The following EXOC3L2 variants were observed in gnomAD, a reference collection of about 807,000 sequenced individuals.
The protein encoded by EXOC3L2 is exocyst complex component 3-like protein 2.
In EXOC3L2, 17 loss-of-function variants were observed where a neutral mutation model predicts 44.4. The ratio of observed to expected loss-of-function variants is 0.38; its 90% CI spans 0.26 to 0.57. EXOC3L2 has a LOEUF of 0.57. Among genes scored for constraint, EXOC3L2 ranks in the 20% least tolerant of loss-of-function variants. EXOC3L2 has a pLI of 0.65. For missense variants in EXOC3L2, 541 were observed against 588.4 expected (o/e 0.92, Z 0.83); for synonymous variants, 256 against 253.7 (o/e 1.01, Z -0.09).
rs1599767238 is a variant in EXOC3L2 at position 45,234,059 on chromosome 19, T to C, written c.1157+134A>G. 2.7e-6 allele frequency: 1 copy of C among 373,010 alleles called. No individual in the cohort carries two copies. The highest frequency in any genetic ancestry group is 4.8e-6 in the Non-Finnish European group (1 of 209,744). The allele number at this position is 373,010 out of a possible 1,614,324, so 23.1% of individuals were successfully genotyped here. ...TGTAACTGTCAGCGGTGCTGACGAC[T>C]GGATGGGTTAATGGTGTTAAAGTGC... On this transcript the variant is annotated intron_variant, in intron 3 of 11. Coordinates refer to ENST00000413988, the MANE Select transcript of EXOC3L2 (RefSeq NM_001382422.1). This position sits in a 1 kb window ranked among gnomAD's most constrained non-coding sequence, Gnocchi z 5.0.
chr19:45,232,261 T>G (rs1250987670), intron 3 of EXOC3L2, among the ~76,000 whole-genome samples: 2 of 152,094 alleles, frequency 1.3e-5, no homozygotes, highest in Non-Finnish European at 1.5e-5. Flanking sequence ...TTCTACGAGC[T>G]TACATGCCTG....
rs765377183 is a variant in EXOC3L2, at chr19:45,224,848, G to A, written c.1649C>T (p.Ala550Val). 3.8e-6 allele frequency: 6 copies of A among 1,592,170 alleles called. No individual in the cohort carries two copies. In the Admixed American group the frequency reaches 1.0e-4, roughly 28 times the overall value. ...CCGGGTCACATGGTCCAGAGCACTA[G>A]CAGATGCTTCCCGGGCCGGCTCGCT... ...PESEPAREAS[A>V]SALDHVTRLC... Residue 550 changes from alanine to valine, a missense_variant, in exon 8 of 12, where the codon GCT becomes GTT. By Grantham distance (64) the Ala-to-Val change is moderately conservative (BLOSUM62 0). Transcript: ENST00000413988.
chr19:45,238,139 T>C lies in EXOC3L2; in HGVS notation c.523+384A>G, dbSNP rs1970099679. Among the ~76,000 whole-genome samples, 1 of 151,566 alleles carries C rather than the reference T, an allele frequency of 6.6e-6. No individual in the cohort carries two copies. Among genetic ancestry groups the C allele is most frequent in the African/African-American group, 2.4e-5 (1 of 41,228 alleles). ...GGCGACAGAGGCAAAAAAATAATAATAATAAAATAAATAAAATAAAGAAAT... is the reference window on the plus strand; with the variant it reads ...GGCGACAGAGGCAAAAAAATAATAACAATAAAATAAATAAAATAAAGAAAT... On this transcript the variant is annotated intron_variant, in intron 2 of 11. Coordinates refer to ENST00000413988, the MANE Select transcript of EXOC3L2 (RefSeq NM_001382422.1). This position sits in a 1 kb window ranked among gnomAD's most constrained non-coding sequence, Gnocchi z 5.5.
At chr19:45,244,437 G>A (rs1052201882) in intron 1 of EXOC3L2, among the ~76,000 whole-genome samples, 4 of 151,966 alleles carry the variant, frequency 2.6e-5, no homozygotes, top group African/African-American at 9.7e-5. Flanking sequence ...CCCCAAACCT[G>A]GCTGCAACAT....
At chr19:45,220,188 A>T (rs79890446) in intron 8 of EXOC3L2, among the ~76,000 whole-genome samples, 5,788 of 152,112 alleles carry the variant, frequency 0.038, 159 homozygotes, top group African/African-American at 0.073. Flanking sequence ...ATAAATAAAT[A>T]AATTAATTAA....
At chr19:45,214,456 G>GTATT (rs140511806) in intron 11 of EXOC3L2, among the ~76,000 whole-genome samples, 1 of 151,328 alleles carries the variant, frequency 6.6e-6, no homozygotes, top group Non-Finnish European at 1.5e-5. Flanking sequence ...GTTTTTTTGT[G>GTATT]TGTTTGTTTG....
chr19:45,214,338 C>G (rs1969810867), intron 11 of EXOC3L2, among the ~76,000 whole-genome samples: 1 of 152,172 alleles, frequency 6.6e-6, no homozygotes. Flanking sequence ...GAGAATGTGT[C>G]TGCCCAAATA....
intron 4 of EXOC3L2, 26 bp downstream of exon 4, chr19:45,231,737 C>T: frequency 6.3e-7 from 1 of 1,587,080 alleles, no homozygotes; most frequent in Non-Finnish European, 8.6e-7. Context: ...GCACCTCCTG[C>T]TTCCAAAATG....
At chr19:45,223,672 G>A (rs549001336) in intron 8 of EXOC3L2, among the ~76,000 whole-genome samples, 8 of 150,818 alleles carry the variant, frequency 5.3e-5, no homozygotes, top group East Asian at 2.0e-4. Context: ...GGCAATCAGC[G>A]AAGGTCGCAC....
chr19:45,213,474 G>A, intron 11 of EXOC3L2, 117 bp from the exon 12 acceptor site: 1 of 1,269,176 alleles, frequency 7.9e-7, no homozygotes, highest in Non-Finnish European at 1.1e-6. Context: ...TGAGTTCTGG[G>A]GCCTCTGTGT....
intron 11 of EXOC3L2, among the ~76,000 whole-genome samples, chr19:45,215,438 T>C (rs1969822479): frequency 6.6e-6 from 1 of 151,604 alleles, no homozygotes; most frequent in Non-Finnish European, 1.5e-5. Flanking sequence ...GCCACTGCAC[T>C]CCAGCCAGGG....
chr19:45,215,930 G>A (rs1969828656), intron 11 of EXOC3L2, 143 bp downstream of exon 11: 36 of 1,171,944 alleles, frequency 3.1e-5, no homozygotes, highest in Non-Finnish European at 4.1e-5. Flanking sequence ...TATTAATAAT[G>A]CCCTGGTTCC....
Position 45,224,823 on chromosome 19 carries a change from C to A in EXOC3L2, c.1674G>T (p.Arg558=), listed in dbSNP as rs1203830405. The part of the protein sequence containing the change: ...ASASALDHVT[R]LCHRVVANLL... ...GGTTGGCCACGACACGGTGGCAGAG[C>A]CGGGTCACATGGTCCAGAGCACTAG... is the stretch of plus-strand genomic sequence containing the variant. Residue 558 remains arginine, a synonymous_variant, in exon 8 of 12, where the codon CGG becomes CGT. Transcript: ENST00000413988. 1 of 1,585,018 alleles carries A rather than the reference C, an allele frequency of 6.3e-7. No homozygotes were observed. Among genetic ancestry groups the A allele is most frequent in the Middle Eastern group, 1.7e-4 (1 of 5,988 alleles).
intron 8 of EXOC3L2, among the ~76,000 whole-genome samples, chr19:45,220,835 G>T (rs1969888605): frequency 6.6e-6 from 1 of 151,764 alleles, no homozygotes; most frequent in Non-Finnish European, 1.5e-5. Context: ...AGGTAGAAAT[G>T]ATGGAGGAGG....
chr19:45,236,590 C>A (rs1454030665), intron 2 of EXOC3L2, among the ~76,000 whole-genome samples: 4 of 150,362 alleles, frequency 2.7e-5, no homozygotes, highest in Non-Finnish European at 4.4e-5. Flanking sequence ...GGGTTTAGGA[C>A]TGGGACTCAG....
chr19:45,231,499 G>T (rs906140453), intron 4 of EXOC3L2, among the ~76,000 whole-genome samples: 1 of 150,740 alleles, frequency 6.6e-6, no homozygotes, highest in African/African-American at 2.4e-5. Context: ...CTATACTTCT[G>T]TGAGTCTTTG....
chr19:45,228,336 T>G, intron 4 of EXOC3L2, 70 bp from the exon 5 acceptor site: 1 of 1,336,056 alleles, frequency 7.5e-7, no homozygotes, highest in Non-Finnish European at 1.1e-6. Context: ...TATCTCTTTC[T>G]CCCACCACAA....
chr19:45,219,564 T>C (rs1339697622), intron 8 of EXOC3L2, among the ~76,000 whole-genome samples: 1 of 152,064 alleles, frequency 6.6e-6, no homozygotes. Context: ...GGAAGGAGTA[T>C]AGTAAATGCC....
Position 45,238,502 on chromosome 19 carries a change from G to C in EXOC3L2, c.523+21C>G. On this transcript the variant is annotated intron_variant, in intron 2 of 11. Coordinates refer to ENST00000413988, the MANE Select transcript of EXOC3L2 (RefSeq NM_001382422.1). This position sits in a 1 kb window ranked among gnomAD's most constrained non-coding sequence, Gnocchi z 5.5. ...TGGGCACTGGGATTCTCCCAGGACA[G>C]GGTCAGGGCTCCGGACTCACCTGAC... is the stretch of plus-strand genomic sequence containing the variant. The C allele has an allele frequency of 2.5e-6, 1 of 399,534 alleles. No individual in the cohort carries two copies. The highest frequency in any genetic ancestry group is 6.3e-4 in the Middle Eastern group (1 of 1,588). The allele number at this position is 399,534 out of a possible 1,614,324, so 24.7% of individuals were successfully genotyped here.
Sources: allele counts gnomAD v4.1 joint callset (sites outside exome capture counted in the v4.1 genomes callset), GRCh38; gene constraint gnomAD v4.1.1; non-coding constraint Gnocchi (gnomAD v3.1); transcripts MANE v1.5; gene names NCBI Gene and HGNC (gene_info 2026-07-23, HGNC 2026-07-21).